The following MCTP1 variants were observed in gnomAD, a reference collection of about 807,000 sequenced individuals.
The protein encoded by MCTP1 is multiple C2 and transmembrane domain containing 1.
In MCTP1, 69 loss-of-function variants were observed where a neutral mutation model predicts 120.6. That is an observed-to-expected ratio of 0.57 (90% CI 0.47 to 0.70). The LOEUF is 0.70. Among genes scored for constraint, MCTP1 ranks in the 30% least tolerant of loss-of-function variants. The pLI, the probability that MCTP1 is intolerant of heterozygous loss-of-function variation, is 0.00. For synonymous variants in MCTP1, 529 were observed against 493.1 expected (o/e 1.07, Z -0.96); for missense variants, 1,203 against 1,248.8 (o/e 0.96, Z 0.55).
intron 1 of MCTP1, among the ~76,000 whole-genome samples, chr5:95,216,760 T>A (rs1008639701): frequency 2.0e-5 from 3 of 152,208 alleles, no homozygotes; most frequent in African/African-American, 7.2e-5. Flanking sequence ...TGATGGATAA[T>A]CTGGCAACAA....
chr5:94,884,473 G>A (rs978610390), intron 12 of MCTP1, among the ~76,000 whole-genome samples: 2 of 152,120 alleles, frequency 1.3e-5, no homozygotes, highest in Non-Finnish European at 2.9e-5. Flanking sequence ...ATTGTTAAGA[G>A]AGCTGAGGCA....
chr5:95,193,178 A>G (rs2152536133), intron 1 of MCTP1, among the ~76,000 whole-genome samples: 2 of 152,298 alleles, frequency 1.3e-5, no homozygotes, highest in African/African-American at 2.4e-5. Context: ...TTAAAAGCAA[A>G]TAAGTAATCA....
intron 3 of MCTP1, among the ~76,000 whole-genome samples, chr5:94,946,771 T>TA (rs1819043806): frequency 6.6e-6 from 1 of 152,192 alleles, no homozygotes; most frequent in Non-Finnish European, 1.5e-5. Context: ...GCCTATGTGT[T>TA]AGTTTTGGGA....
intron 1 of MCTP1, among the ~76,000 whole-genome samples, chr5:95,171,025 G>A (rs564120092): frequency 6.6e-6 from 1 of 151,764 alleles, no homozygotes; most frequent in African/African-American, 2.4e-5. Context: ...TTACAATTTG[G>A]CATGTTTTTG....
chr5:94,749,562 G>A (rs1767738373), intron 19 of MCTP1, among the ~76,000 whole-genome samples: 2 of 146,726 alleles, frequency 1.4e-5, no homozygotes, highest in African/African-American at 5.0e-5. Context: ...GGCTGAGGCA[G>A]GAGAATCACT....
At chr5:94,764,865 T>C (rs1042352558) in intron 19 of MCTP1, among the ~76,000 whole-genome samples, 3 of 149,644 alleles carry the variant, frequency 2.0e-5, no homozygotes, top group African/African-American at 7.4e-5. Flanking sequence ...AAACAAACAT[T>C]GGATTTAAAC....
intron 1 of MCTP1, among the ~76,000 whole-genome samples, chr5:95,275,365 G>A (rs1018117998): frequency 6.6e-6 from 1 of 152,210 alleles, no homozygotes; most frequent in Non-Finnish European, 1.5e-5. Flanking sequence ...CCAGGTGCCA[G>A]TATTCAGCTG....
intron 1 of MCTP1, among the ~76,000 whole-genome samples, chr5:95,147,501 T>A (rs1465298443): frequency 6.6e-6 from 1 of 152,254 alleles, no homozygotes; most frequent in Admixed American, 6.5e-5. Context: ...ATCTGTCTTA[T>A]CTGATATAAG....
At chr5:95,010,135 T>A (rs2153655496) in intron 2 of MCTP1, among the ~76,000 whole-genome samples, 1 of 152,314 alleles carries the variant, frequency 6.6e-6, no homozygotes, top group South Asian at 2.1e-4. Flanking sequence ...TCATTAATTC[T>A]AATAGTTATA....
chr5:94,790,027 T>A (rs1778555169), intron 18 of MCTP1, among the ~76,000 whole-genome samples: 1 of 152,166 alleles, frequency 6.6e-6, no homozygotes, highest in South Asian at 2.1e-4. Context: ...TAGAACAATC[T>A]GAGGAGGACC....
At chr5:94,716,232 T>C (rs1007953370) in intron 19 of MCTP1, among the ~76,000 whole-genome samples, 4 of 152,218 alleles carry the variant, frequency 2.6e-5, no homozygotes, top group African/African-American at 7.2e-5. Context: ...TTCATCTTGC[T>C]TATGCCAAAA....
At chr5:94,952,489 G>A (rs866240580) in intron 3 of MCTP1, among the ~76,000 whole-genome samples, 1 of 152,162 alleles carries the variant, frequency 6.6e-6, no homozygotes, top group African/African-American at 2.4e-5. Flanking sequence ...TCATGTGCCA[G>A]TAGTAACAAC....
At chr5:95,118,985 G>T (rs1373180617) in intron 1 of MCTP1, among the ~76,000 whole-genome samples, 2 of 152,164 alleles carry the variant, frequency 1.3e-5, no homozygotes, top group Non-Finnish European at 2.9e-5. Flanking sequence ...CTTCCAGACA[G>T]AAAATCAACA....
chr5:95,228,470 A>AAGAGAG (rs56915525), intron 1 of MCTP1, among the ~76,000 whole-genome samples: 1,817 of 147,190 alleles, frequency 0.012, 21 homozygotes, highest in South Asian at 0.034. Context: ...ATGCAGCCAA[A>AAGAGAG]AGAGAGAGAG....
intron 7 of MCTP1, among the ~76,000 whole-genome samples, chr5:94,918,827 C>T (rs887423084): frequency 4.6e-5 from 7 of 152,104 alleles, no homozygotes; most frequent in Non-Finnish European, 8.8e-5. Context: ...CTGCTGTTTT[C>T]GCACTCCAGT....
intron 1 of MCTP1, among the ~76,000 whole-genome samples, chr5:95,121,317 AAATC>A (rs1758226340): frequency 6.6e-6 from 1 of 151,480 alleles, no homozygotes; most frequent in African/African-American, 2.4e-5. Context: ...GCAGGACACA[AAATC>A]AACATACAAA....
intron 1 of MCTP1, 39 bp from the exon 2 acceptor site, chr5:95,017,523 T>A (rs1837349812): frequency 8.0e-7 from 1 of 1,251,518 alleles, no homozygotes; most frequent in Non-Finnish European, 1.1e-6. Context: ...AAATTTATTA[T>A]CTCTGTTCTA....
At chr5:95,210,352 G>T (rs527688861) in intron 1 of MCTP1, among the ~76,000 whole-genome samples, 1 of 150,658 alleles carries the variant, frequency 6.6e-6, no homozygotes. Flanking sequence ...ATGAATCTGG[G>T]TGCTCCTGTA....
At chr5:95,140,992 G>C (rs1759886932) in intron 1 of MCTP1, among the ~76,000 whole-genome samples, 1 of 151,980 alleles carries the variant, frequency 6.6e-6, no homozygotes, top group South Asian at 2.1e-4. Context: ...AATGGAGGAG[G>C]CATAAGACAA....
Sources: allele counts gnomAD v4.1 joint callset (sites outside exome capture counted in the v4.1 genomes callset), GRCh38; gene constraint gnomAD v4.1.1; transcripts MANE v1.5; gene names NCBI Gene and HGNC (gene_info 2026-07-23, HGNC 2026-07-21).